The following CCDC180 variants were observed in gnomAD, a reference collection of about 807,000 sequenced individuals.
CCDC180 encodes coiled-coil domain containing 180.
Under a neutral mutation model 209.2 loss-of-function variants are expected in CCDC180, and 154 were observed. The ratio of observed to expected loss-of-function variants is 0.74; its 90% CI spans 0.65 to 0.84. The LOEUF (loss-of-function observed/expected upper bound fraction) is 0.84. CCDC180 is among the 40% of genes least tolerant of loss of function. CCDC180 has a pLI of 0.00. For missense variants in CCDC180, 1,874 were observed against 1,997.3 expected, an observed-to-expected ratio of 0.94 and a Z score of 1.18; for synonymous variants, 778 against 749.1, an observed-to-expected ratio of 1.04 and a Z score of -0.63.
chr9:97,357,511 C>T, intron 24 of CCDC180, 116 bp from the exon 25 acceptor site: 2 of 712,620 alleles, frequency 2.8e-6, no homozygotes, highest in Non-Finnish European at 4.8e-6. Flanking sequence ...ATATTTTTCC[C>T]TGATTTCATT....
At chr9:97,373,628 T>C (rs1274214683) in intron 34 of CCDC180, 1 of 152,262 alleles carries the variant, frequency 6.6e-6, no homozygotes, top group Non-Finnish European at 1.5e-5. Flanking sequence ...GTAATAAGCA[T>C]TGTAACTTAC....
At chr9:97,355,044 C>T in intron 24 of CCDC180, 36 bp downstream of exon 24, 1 of 1,379,666 alleles carries the variant, frequency 7.2e-7, no homozygotes, top group Non-Finnish European at 1.0e-6. Context: ...GGATCTTTAT[C>T]ACACACACCT....
At chr9:97,362,133 G>T in intron 27 of CCDC180, 63 bp from the exon 28 acceptor site, 1 of 1,563,880 alleles carries the variant, frequency 6.4e-7, no homozygotes. Flanking sequence ...GCTGCTCAGA[G>T]CCTGGCCTGA....
rs1833197979 is a variant in CCDC180, at chr9:97,317,076, T to C, written c.807T>C (p.Tyr269=). The part of the protein sequence containing the change: ...LINEEAMVMN[Y]ALLGNRKALA... ...ATCTGTGACCACAGGTCATGAACTA[T>C]GCCCTGCTGGGCAACCGGAAGGCTC... Residue 269 remains tyrosine (Y), a synonymous_variant, in exon 9 of 37, where the codon TAT becomes TAC. Transcript: ENST00000529487. The C allele has an allele frequency of 1.9e-6, 3 of 1,612,260 alleles. No individual in the cohort carries two copies. Among genetic ancestry groups the C allele is most frequent in the Non-Finnish European group, 2.5e-6 (3 of 1,178,900 alleles).
chr9:97,329,643 G>C (rs566634189), intron 16 of CCDC180, among the ~76,000 whole-genome samples: 1 of 152,208 alleles, frequency 6.6e-6, no homozygotes, highest in South Asian at 2.1e-4. Flanking sequence ...GTGCTATAAG[G>C]GTTTGCTAGC....
intron 4 of CCDC180, 50 bp from the exon 5 acceptor site, chr9:97,313,186 T>G (rs1833047137): frequency 7.8e-7 from 1 of 1,281,118 alleles, no homozygotes; most frequent in African/African-American, 1.5e-5. Context: ...GTGCTGCCTT[T>G]TCCTGAGAGC....
At chr9:97,329,203 A>G (rs4743077) in intron 16 of CCDC180, among the ~76,000 whole-genome samples, 83,278 of 152,156 alleles carry the variant, frequency 0.55, 24,170 homozygotes, top group African/African-American at 0.73. Context: ...AGGATGGCGA[A>G]CTTATTGCCT....
intron 16 of CCDC180, among the ~76,000 whole-genome samples, chr9:97,328,813 G>A (rs1825641302): frequency 2.0e-5 from 3 of 152,182 alleles, no homozygotes; most frequent in Admixed American, 2.0e-4. Context: ...GTCAAATACA[G>A]GAGTCTGGAG....
chr9:97,370,960 T>TTC (rs925897817), intron 33 of CCDC180, 182 bp downstream of exon 33: 3 of 433,262 alleles, frequency 6.9e-6, no homozygotes, highest in East Asian at 4.8e-5. Flanking sequence ...CTTTTTTTTT[T>TTC]TTTTTTTTTT....
chr9:97,315,453 A>G (rs1254753673), intron 8 of CCDC180, among the ~76,000 whole-genome samples: 1 of 151,674 alleles, frequency 6.6e-6, no homozygotes, highest in Non-Finnish European at 1.5e-5. Flanking sequence ...CTCTGTCCCC[A>G]CTGCTTTCCC....
In CCDC180 at chr9:97,320,213, A is replaced by G; in HGVS notation, c.1159+8A>G. ...CCCTGAACAAGGAGCTAGGTGAGTGACGTCTGCAGGACTCCACCTGCATTT... is the reference window on the plus strand; with the variant it reads ...CCCTGAACAAGGAGCTAGGTGAGTGGCGTCTGCAGGACTCCACCTGCATTT... On this transcript the variant is annotated splice_region_variant and intron_variant, in intron 11 of 36. Coordinates refer to ENST00000529487, the MANE Select transcript of CCDC180 (RefSeq NM_020893.6). The G allele has an allele frequency of 6.2e-7, 1 of 1,612,362 alleles. No individual in the cohort carries two copies. Among genetic ancestry groups the G allele is most frequent in the South Asian group, 1.1e-5 (1 of 91,046 alleles).
chr9:97,307,861 G>A, intron 1 of CCDC180, 55 bp downstream of exon 1: 1 of 1,606,614 alleles, frequency 6.2e-7, no homozygotes, highest in Non-Finnish European at 8.5e-7. Flanking sequence ...TTCCCCAGCC[G>A]CCTACCCCCC....
intron 24 of CCDC180, among the ~76,000 whole-genome samples, chr9:97,356,485 CAT>C (rs1265001912): frequency 6.6e-6 from 1 of 152,240 alleles, no homozygotes; most frequent in Non-Finnish European, 1.5e-5. Flanking sequence ...AAACTCATGA[CAT>C]AGTCCCTGGA....
At chr9:97,370,804 T>G in intron 33 of CCDC180, 26 bp downstream of exon 33, 2 of 1,611,458 alleles carry the variant, frequency 1.2e-6, no homozygotes, top group Non-Finnish European at 1.7e-6. Context: ...GATTCGCCAG[T>G]CCAGGCATGC....
At chr9:97,375,832 AC>A in intron 36 of CCDC180, 4 of 538,960 alleles carry the variant, frequency 7.4e-6, no homozygotes, top group Non-Finnish European at 9.9e-6. Flanking sequence ...GGGACATCCC[AC>A]CCAGATTAGG....
chr9:97,324,116 C>T (rs531485918), intron 13 of CCDC180, among the ~76,000 whole-genome samples: 5 of 152,272 alleles, frequency 3.3e-5, no homozygotes, highest in South Asian at 2.1e-4. Flanking sequence ...ATGGGTGCTG[C>T]GCAGAACTCC....
chr9:97,363,865 C>A (rs371209141), intron 28 of CCDC180, among the ~76,000 whole-genome samples, 186 bp from the exon 29 acceptor site: 4 of 152,150 alleles, frequency 2.6e-5, no homozygotes, highest in Non-Finnish European at 5.9e-5. Flanking sequence ...TTTCACCTTA[C>A]GGTAAGGTAG....
intron 21 of CCDC180, 64 bp from the exon 22 acceptor site, chr9:97,350,345 G>A: frequency 6.7e-7 from 1 of 1,481,776 alleles, no homozygotes; most frequent in Non-Finnish European, 9.0e-7. Context: ...ATCACCACCT[G>A]CCCCTCCCTT....
intron 28 of CCDC180, chr9:97,363,484 T>C: frequency 2.3e-6 from 1 of 429,310 alleles, no homozygotes; most frequent in South Asian, 1.9e-5. Flanking sequence ...ATGACCTGTT[T>C]ACATGTTCAG....
Sources: gnomAD v4.1 joint callset for allele counts (sites outside exome capture counted in the v4.1 genomes callset) on GRCh38, gnomAD v4.1.1 for gene constraint, MANE v1.5 for transcripts, NCBI Gene and HGNC (gene_info 2026-07-23, HGNC 2026-07-21) for gene names.